UNC5C: variants seen among roughly 807,000 people sequenced by gnomAD.
UNC5C encodes netrin receptor UNC5C.
In UNC5C, 47 loss-of-function variants were observed where a neutral mutation model predicts 99.8. The ratio of observed to expected loss-of-function variants is 0.47; its 90% confidence interval spans 0.37 to 0.60. UNC5C has a LOEUF of 0.60. UNC5C is among the 20% of genes least tolerant of loss of function. The probability of loss-of-function intolerance (pLI) is 0.00; values close to 1 mark genes in which losing one functional copy is unlikely to be tolerated. For missense variants in UNC5C, 1,062 were observed against 1,165.9 expected (o/e 0.91, Z 1.30); for synonymous variants, 487 against 452.2 (o/e 1.08, Z -0.98).
intron 1 of UNC5C, among the ~76,000 whole-genome samples, chr4:95,500,819 T>C (rs1721757973): frequency 6.6e-6 from 1 of 152,182 alleles, no homozygotes; most frequent in Admixed American, 6.6e-5. Context: ...TTACTGGTTA[T>C]TTAAGGAAGA....
intron 1 of UNC5C, among the ~76,000 whole-genome samples, chr4:95,354,435 A>G (rs889943228): frequency 2.1e-5 from 3 of 146,108 alleles, no homozygotes; most frequent in Admixed American, 1.4e-4. Context: ...TCTGTCTTCA[A>G]TGACTTTTCT....
chr4:95,495,511 G>T (rs940267033), intron 1 of UNC5C, among the ~76,000 whole-genome samples: 3 of 151,582 alleles, frequency 2.0e-5, no homozygotes, highest in African/African-American at 7.3e-5. Flanking sequence ...ATAATAAAAA[G>T]ATAATAATTG....
chr4:95,511,028 C>A (rs1366589342), intron 1 of UNC5C, among the ~76,000 whole-genome samples: 3 of 152,038 alleles, frequency 2.0e-5, no homozygotes, highest in Non-Finnish European at 4.4e-5. Context: ...GACACTGATA[C>A]CCTGGGGATA....
intron 1 of UNC5C, among the ~76,000 whole-genome samples, chr4:95,428,761 T>G (rs1423397890): frequency 6.6e-6 from 1 of 152,188 alleles, no homozygotes; most frequent in Non-Finnish European, 1.5e-5. Flanking sequence ...CTGAGCAGAC[T>G]ACTTTTTTGC....
chr4:95,277,039 C>A (rs1156608495), intron 4 of UNC5C, among the ~76,000 whole-genome samples: 1 of 151,956 alleles, frequency 6.6e-6, no homozygotes, highest in African/African-American at 2.4e-5. Context: ...AGGGGACCAG[C>A]TAACTACCTG....
chr4:95,425,168 A>G (rs1043900626), intron 1 of UNC5C, among the ~76,000 whole-genome samples: 3 of 152,188 alleles, frequency 2.0e-5, no homozygotes, highest in African/African-American at 7.2e-5. Context: ...ATCACCAAAT[A>G]CAGGATCCCT....
intron 12 of UNC5C, among the ~76,000 whole-genome samples, chr4:95,191,421 A>G (rs1737086744): frequency 6.6e-6 from 1 of 152,118 alleles, no homozygotes; most frequent in South Asian, 2.1e-4. Flanking sequence ...AAGCTGGGTT[A>G]CAGAGCCCTG....
chr4:95,191,942 C>T (rs1386626857), intron 12 of UNC5C, among the ~76,000 whole-genome samples: 3 of 140,446 alleles, frequency 2.1e-5, no homozygotes, highest in Non-Finnish European at 4.7e-5. Flanking sequence ...CCCCTGCTCA[C>T]CTCTTCTGCT....
intron 3 of UNC5C, among the ~76,000 whole-genome samples, chr4:95,298,151 A>C (rs767894010): frequency 1.4e-4 from 22 of 152,120 alleles, no homozygotes; most frequent in Non-Finnish European, 2.9e-4. Flanking sequence ...CCCTACAAAA[A>C]AATGCAAAAA....
At chr4:95,443,401 T>C (rs1414221412) in intron 1 of UNC5C, among the ~76,000 whole-genome samples, 2 of 152,202 alleles carry the variant, frequency 1.3e-5, no homozygotes, top group Admixed American at 1.3e-4. Context: ...CAGTATGTAT[T>C]AGTATGTTAA....
rs77016147 is a variant in UNC5C, at chr4:95,356,389, A to C, written c.125-20758T>G. Among the ~76,000 whole-genome samples the C allele has an allele frequency of 1.6e-4, 25 of 151,950 alleles. No individual in the cohort carries two copies. The East Asian group carries it at 4.8e-3, about 29-fold the overall frequency. On this transcript the variant is annotated intron_variant, in intron 1 of 15. Transcript: ENST00000453304. ...ATGTAGAAATTCCAGTTACCATATCACTTACCAAAATTTGTTTATTTTCAA... is the reference window on the plus strand; with the variant it reads ...ATGTAGAAATTCCAGTTACCATATCCCTTACCAAAATTTGTTTATTTTCAA...
At position 95,311,086 on chromosome 4, in the gene UNC5C, C is replaced by A. The variant is rs1314185555; in HGVS notation, c.347-9337G>T. ...AGGGATAACTTGAATGGTGGGTGTG[C>A]AAAATATTTCTGTTTTACATTTAAA... On this transcript the variant is annotated intron_variant, in intron 2 of 15. Coordinates refer to ENST00000453304, the MANE Select transcript of UNC5C (RefSeq NM_003728.4). 3.3e-5 allele frequency among the ~76,000 whole-genome samples: 5 copies of A among 152,112 alleles called. No individual in the cohort carries two copies. In the East Asian group the frequency reaches 7.7e-4, roughly 23 times the overall value.
intron 1 of UNC5C, among the ~76,000 whole-genome samples, chr4:95,382,876 C>T (rs912617699): frequency 1.1e-4 from 17 of 152,188 alleles, no homozygotes; most frequent in African/African-American, 3.9e-4. Flanking sequence ...GTCCAAATTA[C>T]ACTGCTACTG....
chr4:95,520,755 C>G (rs527539874), intron 1 of UNC5C, among the ~76,000 whole-genome samples: 1 of 151,860 alleles, frequency 6.6e-6, no homozygotes, highest in East Asian at 1.9e-4. Context: ...CCGGCCACCA[C>G]GCCCAGCTAA....
intron 14 of UNC5C, among the ~76,000 whole-genome samples, chr4:95,174,472 C>G (rs1736253439): frequency 6.6e-6 from 1 of 152,094 alleles, no homozygotes; most frequent in South Asian, 2.1e-4. Flanking sequence ...CAAAGAACAT[C>G]TTTATTTCTG....
chr4:95,505,197 T>C (rs17384467), intron 1 of UNC5C, among the ~76,000 whole-genome samples: 55,766 of 151,928 alleles, frequency 0.37, 11,151 homozygotes, highest in East Asian at 0.51. Context: ...CAGTAGCAAA[T>C]GAACAACTTA....
intron 1 of UNC5C, among the ~76,000 whole-genome samples, chr4:95,423,530 A>G (rs537242037): frequency 1.3e-5 from 2 of 152,346 alleles, no homozygotes; most frequent in African/African-American, 4.8e-5. Context: ...AATACATTCA[A>G]AAAGACAGAA....
intron 4 of UNC5C, among the ~76,000 whole-genome samples, chr4:95,261,925 G>A (rs761867215): frequency 1.4e-4 from 22 of 152,176 alleles, no homozygotes; most frequent in East Asian, 5.8e-4. Context: ...GGATGGTCTC[G>A]ATTGCCTGAC....
chr4:95,192,308 C>CCT, intron 12 of UNC5C, among the ~76,000 whole-genome samples: 1 of 140,562 alleles, frequency 7.1e-6, no homozygotes, highest in Non-Finnish European at 1.6e-5. Flanking sequence ...CCCCTTCTCA[C>CCT]CTCCTCCCCT....
Sources: gnomAD v4.1 joint callset for allele counts (sites outside exome capture counted in the v4.1 genomes callset) on GRCh38, gnomAD v4.1.1 for gene constraint, MANE v1.5 for transcripts, NCBI Gene and HGNC (gene_info 2026-07-23, HGNC 2026-07-21) for gene names.